Variants in EFNA5 observed in about 807,000 individuals in gnomAD.
EFNA5 encodes the protein ephrin A5.
A neutral mutation model predicts 22.9 loss-of-function variants in EFNA5; 5 were observed. The ratio of observed to expected loss-of-function variants is 0.22; its 90% CI spans 0.11 to 0.46. EFNA5 has a LOEUF of 0.46. Among genes scored for constraint, EFNA5 ranks in the 20% least tolerant of loss-of-function variants. EFNA5 has a pLI of 0.99. For synonymous variants in EFNA5, 113 were observed against 112.2 expected, an observed-to-expected ratio of 1.01 and a Z score of -0.04; for missense variants, 237 against 293.3, an observed-to-expected ratio of 0.81 and a Z score of 1.40.
intron 1 of EFNA5, among the ~76,000 whole-genome samples, chr5:107,549,440 G>A (rs568560855): frequency 6.6e-6 from 1 of 152,300 alleles, no homozygotes; most frequent in African/African-American, 2.4e-5. Context: ...GATGCTCATA[G>A]TTTACCATAC....
intron 1 of EFNA5, among the ~76,000 whole-genome samples, chr5:107,611,515 C>G (rs976971299): frequency 2.6e-5 from 4 of 152,192 alleles, no homozygotes; most frequent in African/African-American, 9.7e-5. Context: ...GATGACCCTT[C>G]AAGTCCGGTA....
At chr5:107,551,828 C>T (rs1300066114) in intron 1 of EFNA5, among the ~76,000 whole-genome samples, 19 of 151,910 alleles carry the variant, frequency 1.3e-4, no homozygotes, top group African/African-American at 4.8e-5. Flanking sequence ...AATATAAAAA[C>T]ATGTTCTGAA....
intron 1 of EFNA5, among the ~76,000 whole-genome samples, chr5:107,620,972 A>C (rs1750023113): frequency 6.6e-6 from 1 of 152,216 alleles, no homozygotes; most frequent in Non-Finnish European, 1.5e-5. Flanking sequence ...GTGAGAAAGA[A>C]TGGAACATTA....
intron 1 of EFNA5, among the ~76,000 whole-genome samples, chr5:107,443,468 C>T (rs1191526009): frequency 1.3e-5 from 2 of 152,176 alleles, no homozygotes; most frequent in African/African-American, 4.8e-5. Context: ...AGTATCATTC[C>T]CCAAGCATTT....
At chr5:107,386,792 A>C (rs1747636304) in intron 4 of EFNA5, among the ~76,000 whole-genome samples, 1 of 152,234 alleles carries the variant, frequency 6.6e-6, no homozygotes, top group Admixed American at 6.5e-5. Flanking sequence ...ATGTTGAATT[A>C]GTTTCTATTT....
At chr5:107,587,676 C>A (rs1286537497) in intron 1 of EFNA5, among the ~76,000 whole-genome samples, 1 of 152,150 alleles carries the variant, frequency 6.6e-6, no homozygotes, top group Non-Finnish European at 1.5e-5. Context: ...ACCACCACGC[C>A]CAGCTAATTT....
chr5:107,479,370 T>C lies in EFNA5; in HGVS notation c.126-51861A>G, dbSNP rs147732211. 3.3e-3 allele frequency among the ~76,000 whole-genome samples: 499 copies of C among 152,284 alleles called. 4 individuals are homozygous for C. Among genetic ancestry groups the C allele is most frequent in the African/African-American group, 0.011 (458 of 41,554 alleles). Reference sequence around the variant, plus strand: ...ATTAAAATCTGATCAGAGTAATAATTGAGCAGTGCCCAGGCTACCCTTGAT... The same window carrying C: ...ATTAAAATCTGATCAGAGTAATAATCGAGCAGTGCCCAGGCTACCCTTGAT... On this transcript the variant is annotated intron_variant, in intron 1 of 4. Coordinates refer to ENST00000333274, the MANE Select transcript of EFNA5 (RefSeq NM_001962.3).
Position 107,480,342 on chromosome 5 carries a change from C to T in EFNA5, c.126-52833G>A, listed in dbSNP as rs540716304. Among the ~76,000 whole-genome samples the T allele has an allele frequency of 3.9e-5, 6 of 152,326 alleles. No homozygotes were observed. The Middle Eastern group carries it at 0.01, about 259-fold the overall frequency. ...TAAATTCAACTGTATTTTGTATCTACCTACAACTTCTTGCCCTGTGAAGGG... is the reference window on the plus strand; with the variant it reads ...TAAATTCAACTGTATTTTGTATCTATCTACAACTTCTTGCCCTGTGAAGGG... On this transcript the variant is annotated intron_variant, in intron 1 of 4. Transcript: ENST00000333274.
At chr5:107,565,551 A>G (rs1017607360) in intron 1 of EFNA5, among the ~76,000 whole-genome samples, 2 of 152,166 alleles carry the variant, frequency 1.3e-5, no homozygotes, top group East Asian at 3.8e-4. Flanking sequence ...ATGCTCCTAC[A>G]TTATGTTTTC....
At chr5:107,534,033 G>A (rs550356983) in intron 1 of EFNA5, among the ~76,000 whole-genome samples, 60 of 152,272 alleles carry the variant, frequency 3.9e-4, no homozygotes, top group African/African-American at 1.3e-3. Context: ...CCAGAGGCAG[G>A]ATCTCCCCAG....
chr5:107,520,333 C>A (rs1258785481), intron 1 of EFNA5, among the ~76,000 whole-genome samples: 1 of 152,132 alleles, frequency 6.6e-6, no homozygotes, highest in Non-Finnish European at 1.5e-5. Flanking sequence ...ACTCTCAATA[C>A]AATAAAGTCC....
intron 1 of EFNA5, among the ~76,000 whole-genome samples, chr5:107,633,627 C>A (rs995959144): frequency 2.0e-5 from 3 of 152,204 alleles, no homozygotes; most frequent in African/African-American, 4.8e-5. Flanking sequence ...ATAATTTAAA[C>A]ACCTGCGTGC....
In EFNA5 at chr5:107,624,028, G is replaced by T. The variant is rs536516323; in HGVS notation, c.125+46461C>A. 4.0e-5 allele frequency among the ~76,000 whole-genome samples: 6 copies of T among 151,700 alleles called. No individual in the cohort carries two copies. In the South Asian group the frequency reaches 1.0e-3, roughly 26 times the overall value. The stretch of plus-strand genomic sequence containing the variant: ...ACATTCTTAAAATAGAATTTCTTTT[G>T]CTCTAGAAATATGCAGAGTTAAGAC... On this transcript the variant is annotated intron_variant, in intron 1 of 4. Coordinates refer to ENST00000333274, the MANE Select transcript of EFNA5 (RefSeq NM_001962.3).
intron 1 of EFNA5, among the ~76,000 whole-genome samples, chr5:107,447,267 CTAAA>C (rs1440408128): frequency 2.0e-5 from 3 of 152,148 alleles, no homozygotes; most frequent in African/African-American, 7.2e-5. Context: ...CTGCATTAGA[CTAAA>C]TGATGTTTCT....
intron 2 of EFNA5, among the ~76,000 whole-genome samples, chr5:107,419,841 C>T (rs891307471): frequency 2.0e-5 from 3 of 152,092 alleles, no homozygotes; most frequent in Non-Finnish European, 4.4e-5. Flanking sequence ...TAATCAAAAA[C>T]ATTTTTCAAT....
intron 1 of EFNA5, among the ~76,000 whole-genome samples, chr5:107,512,808 C>CG (rs1747399227): frequency 6.6e-6 from 1 of 152,092 alleles, no homozygotes; most frequent in Non-Finnish European, 1.5e-5. Context: ...TGCACTACCT[C>CG]ACCATGGGTT....
chr5:107,484,390 A>T (rs969812803), intron 1 of EFNA5, among the ~76,000 whole-genome samples: 1 of 152,190 alleles, frequency 6.6e-6, no homozygotes, highest in African/African-American at 2.4e-5. Flanking sequence ...AATTTCTCTT[A>T]CTGCACAGCT....
At chr5:107,588,554 C>T (rs149275034) in intron 1 of EFNA5, among the ~76,000 whole-genome samples, 32 of 152,318 alleles carry the variant, frequency 2.1e-4, no homozygotes, top group African/African-American at 6.5e-4. Flanking sequence ...CTATATATTA[C>T]GTGCATACAC....
chr5:107,491,034 T>C (rs1746791213), intron 1 of EFNA5, among the ~76,000 whole-genome samples: 1 of 152,226 alleles, frequency 6.6e-6, no homozygotes, highest in African/African-American at 2.4e-5. Flanking sequence ...TTTACATTTA[T>C]TCTCATTCAA....
Sources: allele counts gnomAD v4.1 joint callset (sites outside exome capture counted in the v4.1 genomes callset), GRCh38; gene constraint gnomAD v4.1.1; transcripts MANE v1.5; gene names NCBI Gene and HGNC (gene_info 2026-07-23, HGNC 2026-07-21).